KLK13: variants seen among roughly 807,000 people sequenced by gnomAD.
KLK13 encodes kallikrein-13.
KLK13 carries 19 observed loss-of-function variants against 22.4 expected under a neutral mutation model. The ratio of observed to expected loss-of-function variants is 0.85; its 90% CI spans 0.59 to 1.24. The LOEUF (loss-of-function observed/expected upper bound fraction) is 1.24, where lower values mean the gene tolerates loss of function less well. Among genes scored for constraint, KLK13 ranks in the 50% most tolerant of loss-of-function variants. KLK13 has a pLI of 0.00. For synonymous variants in KLK13, 156 were observed against 141.8 expected, an observed-to-expected ratio of 1.10 and a Z score of -0.71; for missense variants, 311 against 347.9, an observed-to-expected ratio of 0.89 and a Z score of 0.84.
chr19:51,063,502 G>A (rs1032860831), intron 1 of KLK13: 5 of 361,622 alleles, frequency 1.4e-5, no homozygotes, highest in African/African-American at 8.5e-5. Flanking sequence ...CTCAGGCATC[G>A]CCGGTGTCAT....
intron 2 of KLK13, 149 bp downstream of exon 2, chr19:51,060,284 A>G (rs774275990): frequency 3.9e-6 from 4 of 1,036,014 alleles, no homozygotes; most frequent in East Asian, 2.6e-5. Flanking sequence ...CCCATACCCA[A>G]TCCCCATATC....
chr19:51,056,501 A>C lies in KLK13; in HGVS notation c.*86T>G. 7.6e-7 allele frequency: 1 copy of C among 1,308,564 alleles called. No homozygotes were observed. The highest frequency in any genetic ancestry group is 1.1e-6 in the Non-Finnish European group (1 of 923,354). 81.1% of individuals were successfully genotyped at this position (1,308,564 alleles called of 1,614,324 possible). A position where few individuals can be genotyped will look rare whatever the true frequency, so the allele number is the denominator to read the frequency against. Reference sequence around the variant, plus strand: ...CATGGATCACTGGTTCAAATGGAACACTGGGAATAAGGAGCAGAGAAGGGC... The same window carrying C: ...CATGGATCACTGGTTCAAATGGAACCCTGGGAATAAGGAGCAGAGAAGGGC... On this transcript the variant is annotated 3_prime_UTR_variant, in exon 5 of 5. Coordinates refer to ENST00000595793, the MANE Select transcript of KLK13 (RefSeq NM_015596.3).
In KLK13 at chr19:51,056,587, T is replaced by C. The variant is rs1231014724; in HGVS notation, c.834A>G (p.Ter278=). ...TGGAAGCCGGTACATTTCTCAACTT[T>C]TATTGTGGGCCCTTCAACCATTTTT... ...QQQKWLKGPQ[*] is the part of the protein sequence containing the mutation. Residue 278 remains the stop codon, a stop_retained_variant, in exon 5 of 5, where the codon TAA becomes TAG. Coordinates refer to ENST00000595793, the MANE Select transcript of KLK13 (RefSeq NM_015596.3). The C allele has an allele frequency of 6.2e-7, 1 of 1,614,084 alleles. No homozygotes were observed. Among genetic ancestry groups the C allele is most frequent in the Non-Finnish European group, 8.5e-7 (1 of 1,179,954 alleles).
rs530885281 is a variant in KLK13, at chr19:51,059,927, G to A, written c.406C>T (p.Leu136Phe). 9.3e-6 allele frequency: 15 copies of A among 1,611,226 alleles called. No individual in the cohort carries two copies. The South Asian group carries it at 1.4e-4, about 15-fold the overall frequency. Residue 136 changes from leucine to phenylalanine, a missense_variant, in exon 3 of 5, where the codon CTC becomes TTC. Transcript: ENST00000595793. ...GGCAGGGTTTGGATGTAGCCTGTGA[G>A]CTGGACCGGGGACTGCAGCTCCAGA... ...MLLELQSPVQ[L>F]TGYIQTLPLS...
chr19:51,065,178 A>C, upstream of KLK13: 2 of 715,126 alleles, frequency 2.8e-6, no homozygotes, highest in East Asian at 3.1e-5. Flanking sequence ...CTGCTCCTGA[A>C]TGTCTCCTCG....
intron 1 of KLK13, among the ~76,000 whole-genome samples, chr19:51,063,161 A>G (rs867717001): frequency 2.6e-5 from 4 of 152,194 alleles, no homozygotes; most frequent in South Asian, 4.1e-4. Context: ...AGGCCACCTA[A>G]CATTTATTAC....
intron 1 of KLK13, among the ~76,000 whole-genome samples, chr19:51,062,450 T>C (rs543890562): frequency 2.0e-5 from 3 of 152,316 alleles, no homozygotes; most frequent in African/African-American, 7.2e-5. Flanking sequence ...TTTAAAAATC[T>C]CTCCACTTTG....
At chr19:51,065,127 G>A (rs923937044), upstream of KLK13, 6 of 1,258,218 alleles carry the variant, frequency 4.8e-6, no homozygotes, top group Non-Finnish European at 6.6e-6. Flanking sequence ...GGTGAAGGGG[G>A]TGTTGAGGGC....
Position 51,059,421 on chromosome 19 carries a change from ATAATT to A in KLK13, c.508+399_508+403del, listed in dbSNP as rs932345191. Among the ~76,000 whole-genome samples, 4 of 146,352 alleles carry A rather than the reference ATAATT, an allele frequency of 2.7e-5. No homozygotes were observed. The East Asian group carries it at 7.8e-4, about 28-fold the overall frequency. On this transcript the variant is annotated intron_variant, in intron 3 of 4. Coordinates refer to ENST00000595793, the MANE Select transcript of KLK13 (RefSeq NM_015596.3). ...CATTTATAAAATACATTTATAATAT[ATAATT>A]TAAATATAGATTATATATAATATAT...
chr19:51,062,166 G>T (rs1286569265), intron 1 of KLK13, among the ~76,000 whole-genome samples: 1 of 152,026 alleles, frequency 6.6e-6, no homozygotes, highest in African/African-American at 2.4e-5. Context: ...AGGGGCTAGT[G>T]GATAATTGGA....
At chr19:51,057,209 T>C (rs1488529286) in intron 4 of KLK13, among the ~76,000 whole-genome samples, 1 of 152,116 alleles carries the variant, frequency 6.6e-6, no homozygotes, top group Non-Finnish European at 1.5e-5. Context: ...AGTGAACCCA[T>C]TCATATCTGG....
intron 1 of KLK13, chr19:51,063,713 C>T (rs1350965134): frequency 2.2e-6 from 1 of 456,778 alleles, no homozygotes; most frequent in Non-Finnish European, 4.4e-6. Flanking sequence ...ACCCCACCTT[C>T]AGGCCAAGGA....
At chr19:51,063,880 T>G (rs2091752846) in intron 1 of KLK13, 1 of 456,440 alleles carries the variant, frequency 2.2e-6, no homozygotes, top group Non-Finnish European at 4.4e-6. Flanking sequence ...AAGATAATTA[T>G]TAACTAATTA....
chr19:51,059,884 C>A lies in KLK13; in HGVS notation c.449G>T (p.Arg150Leu). The change falls in exon 3 of 5, where the codon CGC (arginine) becomes CTC (leucine). Residue 150 changes from arginine to leucine, a missense_variant. Coordinates refer to ENST00000595793, the MANE Select transcript of KLK13 (RefSeq NM_015596.3). ...IQTLPLSHNN[R>L]LTPGTTCRVS... ...CCGACAGGTGGTGCCAGGGGTTAGG[C>A]GGTTGTTGTGGGAAAGGGGCAGGGT... is the stretch of plus-strand genomic sequence containing the variant. 1 of 1,603,474 alleles carries A rather than the reference C, an allele frequency of 6.2e-7. No individual in the cohort carries two copies. Among genetic ancestry groups the A allele is most frequent in the Non-Finnish European group, 8.5e-7 (1 of 1,174,546 alleles).
Position 51,060,062 on chromosome 19 carries a change from G to A in KLK13, c.271C>T (p.Leu91=), listed in dbSNP as rs151269866. 234 of 1,613,606 alleles carry A rather than the reference G, an allele frequency of 1.5e-4. 3 individuals carry two copies. The African/African-American group carries it at 2.8e-3, about 19-fold the overall frequency. Residue 91 remains leucine, a synonymous_variant, in exon 3 of 5, where the codon CTA becomes TTA. Coordinates refer to ENST00000595793, the MANE Select transcript of KLK13 (RefSeq NM_015596.3). The part of the protein sequence containing the change: ...GLKVYLGKHA[L]GRVEAGEQVR... Reference sequence around the variant, plus strand: ...TGCTCACCAGCTTCCACACGCCCTAGGGCGTGCTTGCCTAGGTAAACTTTG... The same window carrying A: ...TGCTCACCAGCTTCCACACGCCCTAAGGCGTGCTTGCCTAGGTAAACTTTG...
chr19:51,058,820 G>A, intron 3 of KLK13, 146 bp from the exon 4 acceptor site: 1 of 798,752 alleles, frequency 1.3e-6, no homozygotes. Flanking sequence ...CACCTATCTG[G>A]GTAAAGCAAC....
chr19:51,062,645 T>C (rs1443341011), intron 1 of KLK13, among the ~76,000 whole-genome samples: 2 of 152,058 alleles, frequency 1.3e-5, no homozygotes, highest in Admixed American at 6.5e-5. Flanking sequence ...ATCCTGAACA[T>C]GCATGCCATT....
intron 1 of KLK13, among the ~76,000 whole-genome samples, chr19:51,060,899 T>C (rs182108159): frequency 6.3e-4 from 96 of 152,240 alleles, no homozygotes; most frequent in Non-Finnish European, 1.2e-3. Flanking sequence ...AGCAGGAGCC[T>C]GACTTTCTCT....
Position 51,064,764 on chromosome 19 carries a change from C to T in KLK13, c.52+252G>A, listed in dbSNP as rs192951548. On this transcript the variant is annotated intron_variant, in intron 1 of 4. Coordinates refer to ENST00000595793, the MANE Select transcript of KLK13 (RefSeq NM_015596.3). ...TCAGCTTTCCAGAGAGGACAGGAAG[C>T]CTTGAACGCGGGAGGGGCTGCTGCG... 36 of 641,782 alleles carry T rather than the reference C, an allele frequency of 5.6e-5. No homozygotes were observed. The East Asian group carries it at 9.8e-4, about 17-fold the overall frequency. 39.8% of individuals were successfully genotyped at this position (641,782 alleles called of 1,614,324 possible).
Sources: allele counts gnomAD v4.1 joint callset (sites outside exome capture counted in the v4.1 genomes callset), GRCh38; gene constraint gnomAD v4.1.1; transcripts MANE v1.5; gene names NCBI Gene and HGNC (gene_info 2026-07-23, HGNC 2026-07-21).